Variants in CNKSR3 observed in about 807,000 individuals in gnomAD.
CNKSR3 encodes CNKSR family member 3.
Under a neutral mutation model 67.7 loss-of-function variants are expected in CNKSR3, and 36 were observed. That is an observed-to-expected ratio of 0.53 (90% CI 0.41 to 0.70). CNKSR3 has a LOEUF of 0.70. CNKSR3 is among the 30% of genes least tolerant of loss of function. CNKSR3 has a pLI of 0.00. For synonymous variants in CNKSR3, 281 were observed against 271.4 expected (o/e 1.04, Z -0.35); for missense variants, 630 against 695.2 (o/e 0.91, Z 1.05).
At chr6:154,497,396 C>A (rs1462850168) in intron 1 of CNKSR3, among the ~76,000 whole-genome samples, 2 of 151,594 alleles carry the variant, frequency 1.3e-5, no homozygotes, top group Non-Finnish European at 2.9e-5. Context: ...GTCTCAAAAA[C>A]GAGAGAAAGA....
intron 1 of CNKSR3, among the ~76,000 whole-genome samples, chr6:154,487,208 GTTTGA>G (rs1786692727): frequency 1.3e-5 from 2 of 152,154 alleles, no homozygotes; most frequent in Admixed American, 1.3e-4. Context: ...GAGTATCCTT[GTTTGA>G]TTTGAGATTG....
At chr6:154,416,683 G>C (rs757116730) in intron 9 of CNKSR3, among the ~76,000 whole-genome samples, 1 of 152,114 alleles carries the variant, frequency 6.6e-6, no homozygotes, top group Non-Finnish European at 1.5e-5. Context: ...AGAAGGGTGG[G>C]TGCCCAGGTA....
intron 1 of CNKSR3, among the ~76,000 whole-genome samples, chr6:154,479,341 T>G (rs1218011449): frequency 2.6e-5 from 4 of 151,860 alleles, no homozygotes. Flanking sequence ...TGGAAGGGAG[T>G]TGGATTCAGA....
intron 1 of CNKSR3, among the ~76,000 whole-genome samples, chr6:154,460,790 T>C (rs1424532426): frequency 6.6e-6 from 1 of 152,196 alleles, no homozygotes; most frequent in Non-Finnish European, 1.5e-5. Flanking sequence ...AAGGGTAGAA[T>C]TAACTAGCTC....
intron 10 of CNKSR3, among the ~76,000 whole-genome samples, chr6:154,414,097 T>C (rs1784963858): frequency 6.6e-6 from 1 of 150,816 alleles, no homozygotes; most frequent in Admixed American, 6.6e-5. Context: ...CCAAACTGTA[T>C]AGCTTCAAGC....
At position 154,406,694 on chromosome 6, in the gene CNKSR3, G is replaced by T. The variant is rs186613303; in HGVS notation, c.1370-42C>A. The stretch of plus-strand genomic sequence containing the variant: ...TCCATTAAGTCACAATCCCAGCCGG[G>T]CGTGGTGGCTCACACCTGTAATCTC... On this transcript the variant is annotated intron_variant, in intron 12 of 12. Transcript: ENST00000607772. 306 of 1,547,116 alleles carry T rather than the reference G, an allele frequency of 2.0e-4. 1 individual carries two copies. In the African/African-American group the frequency reaches 3.7e-3, roughly 19 times the overall value.
At chr6:154,452,315 C>A (rs1038031951) in intron 1 of CNKSR3, among the ~76,000 whole-genome samples, 4 of 152,206 alleles carry the variant, frequency 2.6e-5, no homozygotes, top group Non-Finnish European at 4.4e-5. Context: ...TATAAAAATT[C>A]TTCTCCAACA....
At chr6:154,406,691 C>T (rs12528985) in intron 12 of CNKSR3, 39 bp from the exon 13 acceptor site, 661,900 of 1,562,602 alleles carry the variant, frequency 0.42, 143,227 homozygotes, top group East Asian at 0.63. Context: ...CAATCCCAGC[C>T]GGGCGTGGTG....
At chr6:154,459,128 GAGAGAGAA>G (rs1786023021) in intron 1 of CNKSR3, among the ~76,000 whole-genome samples, 2 of 140,214 alleles carry the variant, frequency 1.4e-5, no homozygotes, top group Admixed American at 1.5e-4. Context: ...AGAAGAAAAA[GAGAGAGAA>G]AGAAAGAAAG....
rs1390248717 is a variant in CNKSR3, at chr6:154,396,755, G to A, written c.*9599C>T. ...TTAAGAATCCAGAACTAAGTGCTAA[G>A]TAAGGGGTTTAAGGAAAGCATCAGC... On this transcript the variant is annotated 3_prime_UTR_variant, in exon 13 of 13. Coordinates refer to ENST00000607772, the MANE Select transcript of CNKSR3 (RefSeq NM_173515.4). 1 of 151,954 alleles carries A rather than the reference G, an allele frequency of 6.6e-6. No homozygotes were observed. Among genetic ancestry groups the A allele is most frequent in the Non-Finnish European group, 1.5e-5 (1 of 67,986 alleles). 9.4% of individuals were successfully genotyped at this position (151,954 alleles called of 1,614,324 possible). A position where few individuals can be genotyped will look rare whatever the true frequency, so the allele number is the denominator to read the frequency against.
intron 9 of CNKSR3, among the ~76,000 whole-genome samples, chr6:154,417,424 T>A (rs146449237): frequency 5.3e-5 from 8 of 152,310 alleles, no homozygotes; most frequent in Non-Finnish European, 1.2e-4. Context: ...TGCTTCCCAG[T>A]GGCCTCCAGC....
chr6:154,422,708 G>T (rs544855750), intron 8 of CNKSR3, 56 bp from the exon 9 acceptor site: 8 of 1,583,574 alleles, frequency 5.1e-6, no homozygotes, highest in Non-Finnish European at 6.1e-6. Flanking sequence ...GAAAAAAACC[G>T]AACCTATGAA....
chr6:154,500,479 G>A (rs1293781433), intron 1 of CNKSR3, among the ~76,000 whole-genome samples: 1 of 152,110 alleles, frequency 6.6e-6, no homozygotes, highest in African/African-American at 2.4e-5. Context: ...GTCTCCTTTT[G>A]GGGGACTCAC....
chr6:154,434,579 T>A (rs1225262641), intron 4 of CNKSR3, among the ~76,000 whole-genome samples: 1 of 152,224 alleles, frequency 6.6e-6, no homozygotes, highest in Non-Finnish European at 1.5e-5. Flanking sequence ...CAGACTTTTA[T>A]TGTCTTCTTA....
intron 1 of CNKSR3, among the ~76,000 whole-genome samples, chr6:154,472,243 C>T (rs527694914): frequency 8.5e-5 from 13 of 152,212 alleles, no homozygotes; most frequent in South Asian, 8.3e-4. Context: ...GCCCAACACA[C>T]GTACTATTTA....
At position 154,388,776 on chromosome 6, in the gene CNKSR3, A is replaced by T. The variant is rs1562310438; in HGVS notation, c.*17578T>A. The T allele has an allele frequency of 1.3e-5, 2 of 152,052 alleles. No individual in the cohort carries two copies. Among genetic ancestry groups the T allele is most frequent in the Non-Finnish European group, 2.9e-5 (2 of 67,994 alleles). The allele number at this position is 152,052 out of a possible 1,614,324, so 9.4% of individuals were successfully genotyped here. A position where few individuals can be genotyped will look rare whatever the true frequency, so the allele number is the denominator to read the frequency against. ...GCCCTGATGATCAGTGATGATGAGC[A>T]CCTTTTATCCTCTGGGAGCCTCCCA... On this transcript the variant is annotated 3_prime_UTR_variant, in exon 13 of 13. Coordinates refer to ENST00000607772, the MANE Select transcript of CNKSR3 (RefSeq NM_173515.4).
chr6:154,431,664 C>G (rs1219735417), intron 5 of CNKSR3, among the ~76,000 whole-genome samples: 2 of 151,854 alleles, frequency 1.3e-5, no homozygotes, highest in Non-Finnish European at 2.9e-5. Flanking sequence ...ATCCACCACC[C>G]CATCCCTCAC....
chr6:154,509,681 C>A (rs1190444515), intron 1 of CNKSR3, among the ~76,000 whole-genome samples: 3 of 152,174 alleles, frequency 2.0e-5, no homozygotes, highest in Non-Finnish European at 4.4e-5. Flanking sequence ...CACACAAAGG[C>A]ACCTTGTGCC....
At chr6:154,415,105 A>AC (rs200878277) in intron 9 of CNKSR3, among the ~76,000 whole-genome samples, 38,031 of 147,982 alleles carry the variant, frequency 0.26, 6,061 homozygotes, top group Non-Finnish European at 0.34. Context: ...CTCAAAAAAA[A>AC]AAAAAAAAAA....
Sources: gnomAD v4.1 joint callset for allele counts (sites outside exome capture counted in the v4.1 genomes callset) on GRCh38, gnomAD v4.1.1 for gene constraint, MANE v1.5 for transcripts, NCBI Gene and HGNC (gene_info 2026-07-23, HGNC 2026-07-21) for gene names.